Variants in SPTBN1 observed in about 807,000 individuals in gnomAD.
SPTBN1 encodes spectrin beta chain, non-erythrocytic 1.
A neutral mutation model predicts 266.4 loss-of-function variants in SPTBN1; 32 were observed. The ratio of observed to expected loss-of-function variants is 0.12; its 90% confidence interval spans 0.09 to 0.16. The LOEUF (loss-of-function observed/expected upper bound fraction) is 0.16. Among genes scored for constraint, SPTBN1 ranks in the 10% least tolerant of loss-of-function variants. The pLI is 1.00. For synonymous variants in SPTBN1, 1,336 were observed against 1,162.2 expected (o/e 1.15, Z -3.04); for missense variants, 2,296 against 3,067.1 (o/e 0.75, Z 5.94).
Position 54,558,181 on chromosome 2 carries a change from C to G in SPTBN1, c.148+31615C>G, listed in dbSNP as rs1027803326. On this transcript the variant is annotated intron_variant, in intron 2 of 35. Transcript: ENST00000356805. The surrounding 1 kb of genome is among the most constrained non-coding windows in gnomAD (Gnocchi z 4.6). ...GCGAGTCCAGGGCCCGGCCGGGGGT[C>G]GGCGGCTGCCGGGCGGCTGGGGCGA... 6.1e-6 allele frequency: 6 copies of G among 985,364 alleles called. No homozygotes were observed. In the East Asian group the frequency reaches 6.8e-4, roughly 112 times the overall value. The allele number at this position is 985,364 out of a possible 1,614,324, so 61.0% of individuals were successfully genotyped here. A position where few individuals can be genotyped will look rare whatever the true frequency, so the allele number is the denominator to read the frequency against.
chr2:54,668,676 G>T lies in SPTBN1; in HGVS notation c.*107G>T. The T allele has an allele frequency of 1.1e-4, 87 of 800,978 alleles. No individual in the cohort carries two copies. Among genetic ancestry groups the T allele is most frequent in the East Asian group, 3.5e-4 (9 of 25,562 alleles). 49.6% of individuals were successfully genotyped at this position (800,978 alleles called of 1,614,324 possible). On this transcript the variant is annotated 3_prime_UTR_variant, in exon 36 of 36. Transcript: ENST00000356805. Reference sequence around the variant, plus strand: ...TCTGTGCCTAATGTTCCTCAATGTGGTTGATTTTTTTTTTTTTTTAATTTA... The same window carrying T: ...TCTGTGCCTAATGTTCCTCAATGTGTTTGATTTTTTTTTTTTTTTAATTTA...
intron 29 of SPTBN1, 40 bp downstream of exon 29, chr2:54,656,038 A>T (rs184692431): frequency 2.0e-6 from 3 of 1,514,536 alleles, no homozygotes; most frequent in Non-Finnish European, 2.7e-6. Context: ...TTGGGTATCA[A>T]TGGAAAACAT....
At chr2:54,492,912 C>A (rs186394642) in intron 1 of SPTBN1, among the ~76,000 whole-genome samples, 18 of 151,908 alleles carry the variant, frequency 1.2e-4, no homozygotes, top group Admixed American at 7.2e-4. Flanking sequence ...AATTGTTGTG[C>A]AGTTTAATAT....
intron 2 of SPTBN1, among the ~76,000 whole-genome samples, chr2:54,547,447 C>G (rs1052029283): frequency 6.6e-6 from 1 of 152,124 alleles, no homozygotes; most frequent in African/African-American, 2.4e-5. Flanking sequence ...CTTTGAGATC[C>G]TGCTTTCAGT....
chr2:54,571,708 G>A (rs144678392), intron 2 of SPTBN1, among the ~76,000 whole-genome samples: 90 of 149,294 alleles, frequency 6.0e-4, no homozygotes, highest in African/African-American at 2.1e-3. Context: ...GTGTGTTTGC[G>A]TGTATCTCTG....
chr2:54,667,243 G>T (rs1293626485), intron 34 of SPTBN1, among the ~76,000 whole-genome samples: 1 of 152,222 alleles, frequency 6.6e-6, no homozygotes, highest in East Asian at 1.9e-4. Flanking sequence ...TTTCAAAAGG[G>T]CTCATTGTGT....
intron 8 of SPTBN1, among the ~76,000 whole-genome samples, chr2:54,622,072 A>G (rs1485490291): frequency 6.6e-6 from 1 of 152,168 alleles, no homozygotes; most frequent in Non-Finnish European, 1.5e-5. Context: ...AGAACCAATT[A>G]CAGTTAAGCT....
chr2:54,621,585 C>T lies in SPTBN1; in HGVS notation c.876+73C>T, dbSNP rs548426298. 4 of 1,297,728 alleles carry T rather than the reference C, an allele frequency of 3.1e-6. No individual in the cohort carries two copies. The South Asian group carries it at 4.9e-5, about 16-fold the overall frequency. 80.4% of individuals were successfully genotyped at this position (1,297,728 alleles called of 1,614,324 possible). On this transcript the variant is annotated intron_variant, in intron 8 of 35. Transcript: ENST00000356805. ...TTGAGCCCTCATTCTCCCATGCACT[C>T]ATAAAATTTGCCAATAGCAATTTGT... is the stretch of plus-strand genomic sequence containing the variant.
intron 2 of SPTBN1, among the ~76,000 whole-genome samples, chr2:54,534,319 A>G (rs139509012): frequency 0.012 from 1,755 of 152,224 alleles, 16 homozygotes; most frequent in Middle Eastern, 0.048. Context: ...ATAGCTACCC[A>G]TTATTTTCCT....
chr2:54,623,990 A>T (rs1678160794), intron 10 of SPTBN1, among the ~76,000 whole-genome samples: 1 of 152,260 alleles, frequency 6.6e-6, no homozygotes, highest in Non-Finnish European at 1.5e-5. Context: ...TGCATTAGAG[A>T]TGCTGTCAAA....
At chr2:54,663,654 G>A (rs979217950) in intron 32 of SPTBN1, 2 of 152,410 alleles carry the variant, frequency 1.3e-5, no homozygotes, top group African/African-American at 2.4e-5. Flanking sequence ...CAACCAACCC[G>A]TGATGGGGAA....
At chr2:54,517,447 T>C (rs1670171260) in intron 1 of SPTBN1, among the ~76,000 whole-genome samples, 1 of 150,518 alleles carries the variant, frequency 6.6e-6, no homozygotes, top group Non-Finnish European at 1.5e-5. Context: ...AATCTGATAA[T>C]CATAGTGGGA....
intron 2 of SPTBN1, among the ~76,000 whole-genome samples, chr2:54,596,844 G>A (rs995023928): frequency 6.6e-5 from 10 of 152,152 alleles, no homozygotes; most frequent in Admixed American, 4.6e-4. Flanking sequence ...GTAGGGAGGA[G>A]GGTTGGGATT....
intron 1 of SPTBN1, among the ~76,000 whole-genome samples, chr2:54,463,885 A>T (rs946352517): frequency 6.6e-6 from 1 of 152,252 alleles, no homozygotes; most frequent in African/African-American, 2.4e-5. Flanking sequence ...TAAACAAACA[A>T]TAAAATGCTA....
In SPTBN1 at chr2:54,562,696, TTGTG is replaced by T. The variant is rs55947327; in HGVS notation, c.148+36166_148+36169del. Among the ~76,000 whole-genome samples the T allele has an allele frequency of 2.7e-3, 336 of 122,608 alleles. 1 individual carries two copies. Among genetic ancestry groups the T allele is most frequent in the African/African-American group, 5.1e-3 (142 of 28,086 alleles). 80.4% of individuals were successfully genotyped at this position (122,608 alleles called of 152,430 possible). On this transcript the variant is annotated intron_variant, in intron 2 of 35. Coordinates refer to ENST00000356805, the MANE Select transcript of SPTBN1 (RefSeq NM_003128.3). Reference sequence around the variant, plus strand: ...CAGGCACTTGCCACCAAACCCTGCTTTGTGTGTGTGTGTGTGTGTGTGTGTGTGT... The same window carrying T: ...CAGGCACTTGCCACCAAACCCTGCTTTGTGTGTGTGTGTGTGTGTGTGTGT...
chr2:54,662,061 C>G, intron 32 of SPTBN1: 1 of 985,312 alleles, frequency 1.0e-6, no homozygotes, highest in Non-Finnish European at 1.2e-6. Context: ...TTCTGTGCTA[C>G]TAGTTGTCAC....
intron 2 of SPTBN1, among the ~76,000 whole-genome samples, chr2:54,579,194 T>C (rs1249280825): frequency 6.6e-6 from 1 of 152,224 alleles, no homozygotes; most frequent in Non-Finnish European, 1.5e-5. Context: ...CTTTTACCTT[T>C]ACTTTCAGTT....
At chr2:54,580,619 C>G (rs1322882775) in intron 2 of SPTBN1, among the ~76,000 whole-genome samples, 3 of 151,234 alleles carry the variant, frequency 2.0e-5, no homozygotes, top group African/African-American at 4.9e-5. Flanking sequence ...AAAAAAATCT[C>G]CAAAATCTTC....
chr2:54,611,865 C>G lies in SPTBN1; in HGVS notation c.301-296C>G, dbSNP rs533195703. On this transcript the variant is annotated intron_variant, in intron 3 of 35. Transcript: ENST00000356805. ...GGATGGCAGCAGTAGCGCTGAAATT[C>G]TCCATGAAAATTGGATTCTCTCTTC... is the stretch of plus-strand genomic sequence containing the variant. 5.3e-5 allele frequency among the ~76,000 whole-genome samples: 8 copies of G among 152,310 alleles called. No individual in the cohort carries two copies. The South Asian group carries it at 1.0e-3, about 20-fold the overall frequency.
Sources: allele counts gnomAD v4.1 joint callset (sites outside exome capture counted in the v4.1 genomes callset), GRCh38; gene constraint gnomAD v4.1.1; non-coding constraint Gnocchi (gnomAD v3.1); transcripts MANE v1.5; gene names NCBI Gene and HGNC (gene_info 2026-07-23, HGNC 2026-07-21).